The following KIAA0825 variants were observed in gnomAD, a reference collection of about 807,000 sequenced individuals.
KIAA0825 encodes the protein KIAA0825.
Under a neutral mutation model 147.6 loss-of-function variants are expected in KIAA0825, and 119 were observed. That is an observed-to-expected ratio of 0.81 (90% CI 0.69 to 0.94). The LOEUF is 0.94. KIAA0825 is among the 40% of genes least tolerant of loss of function. The pLI, the probability that KIAA0825 is intolerant of heterozygous loss-of-function variation, is 0.00. For synonymous variants in KIAA0825, 470 were observed against 518.1 expected, an observed-to-expected ratio of 0.91 and a Z score of 1.26; for missense variants, 1,381 against 1,472.7, an observed-to-expected ratio of 0.94 and a Z score of 1.02.
intron 8 of KIAA0825, 86 bp downstream of exon 8, chr5:94,473,206 G>T: frequency 9.7e-7 from 1 of 1,026,638 alleles, no homozygotes; most frequent in Non-Finnish European, 1.4e-6. Flanking sequence ...TCCACCATTT[G>T]ATCTACAGGT....
chr5:94,453,325 G>C (rs1314650743), intron 12 of KIAA0825, among the ~76,000 whole-genome samples: 1 of 145,956 alleles, frequency 6.9e-6, no homozygotes, highest in African/African-American at 2.6e-5. Context: ...GGCATATGCT[G>C]CCACGTGTGG....
chr5:94,251,745 AT>A (rs763750727), intron 20 of KIAA0825, among the ~76,000 whole-genome samples: 9 of 151,956 alleles, frequency 5.9e-5, no homozygotes, highest in South Asian at 2.1e-4. Flanking sequence ...AATAAAATGC[AT>A]TTTTTTTGTA....
chr5:94,156,804 T>A (rs1180257887), intron 20 of KIAA0825, among the ~76,000 whole-genome samples: 2 of 152,162 alleles, frequency 1.3e-5, no homozygotes, highest in Non-Finnish European at 2.9e-5. Flanking sequence ...TGAAAAAATA[T>A]TAGAACTACA....
At chr5:94,346,072 C>T (rs755196539) in intron 20 of KIAA0825, among the ~76,000 whole-genome samples, 1 of 152,126 alleles carries the variant, frequency 6.6e-6, no homozygotes, top group African/African-American at 2.4e-5. Flanking sequence ...GGTGTGGCAC[C>T]GGGCTGTCTG....
At chr5:94,191,947 A>T (rs1770711723) in intron 20 of KIAA0825, among the ~76,000 whole-genome samples, 1 of 152,240 alleles carries the variant, frequency 6.6e-6, no homozygotes, top group African/African-American at 2.4e-5. Context: ...CATGTTCATC[A>T]GTGAATTAAA....
At chr5:94,389,361 T>C (rs566837340) in intron 18 of KIAA0825, among the ~76,000 whole-genome samples, 11 of 152,334 alleles carry the variant, frequency 7.2e-5, no homozygotes, top group Admixed American at 2.0e-4. Context: ...TAAAACCCCA[T>C]GTCTTGTGGG....
At chr5:94,511,269 T>C (rs1320377360) in intron 5 of KIAA0825, among the ~76,000 whole-genome samples, 1 of 152,194 alleles carries the variant, frequency 6.6e-6, no homozygotes, top group East Asian at 1.9e-4. Context: ...CCCCTGACTA[T>C]GGTATTTTTG....
chr5:94,577,600 C>A (rs957857079), intron 2 of KIAA0825, among the ~76,000 whole-genome samples: 11 of 152,132 alleles, frequency 7.2e-5, no homozygotes, highest in African/African-American at 9.7e-5. Context: ...ATCTCAATTC[C>A]TTTTACAAAT....
At chr5:94,211,476 G>A (rs986424975) in intron 20 of KIAA0825, among the ~76,000 whole-genome samples, 1 of 152,110 alleles carries the variant, frequency 6.6e-6, no homozygotes, top group Non-Finnish European at 1.5e-5. Context: ...ATGTTATCAC[G>A]CTGATTCCTT....
At chr5:94,178,786 C>T (rs1366922263) in intron 20 of KIAA0825, among the ~76,000 whole-genome samples, 9 of 152,030 alleles carry the variant, frequency 5.9e-5, no homozygotes, top group African/African-American at 2.2e-4. Flanking sequence ...CCTACCATAT[C>T]ACCCAGTTAT....
intron 20 of KIAA0825, among the ~76,000 whole-genome samples, chr5:94,156,228 T>G (rs1332421615): frequency 1.3e-5 from 2 of 152,204 alleles, no homozygotes; most frequent in Admixed American, 1.3e-4. Context: ...GAATCTGGAA[T>G]CTGGGCTTTC....
chr5:94,565,310 A>G (rs57609894), intron 2 of KIAA0825, among the ~76,000 whole-genome samples: 11,303 of 150,040 alleles, frequency 0.075, 470 homozygotes, highest in South Asian at 0.11. Flanking sequence ...AAACATAGGG[A>G]AAAAAAATCC....
chr5:94,415,697 A>G (rs1234745970), intron 15 of KIAA0825: 1 of 152,218 alleles, frequency 6.6e-6, no homozygotes, highest in Non-Finnish European at 1.5e-5. Flanking sequence ...GGCTCTGTGA[A>G]TATGTATAAC....
chr5:94,441,337 G>A (rs1238871673), intron 13 of KIAA0825, among the ~76,000 whole-genome samples: 1 of 152,134 alleles, frequency 6.6e-6, no homozygotes, highest in African/African-American at 2.4e-5. Context: ...TCTGTTGCAT[G>A]CATGGTAAGG....
chr5:94,155,157 G>C (rs965069866), intron 20 of KIAA0825, among the ~76,000 whole-genome samples: 2 of 151,786 alleles, frequency 1.3e-5, no homozygotes, highest in African/African-American at 4.8e-5. Flanking sequence ...ATGAATTTAG[G>C]GTGGAATTTT....
chr5:94,392,507 A>T (rs181287384), intron 17 of KIAA0825, among the ~76,000 whole-genome samples: 5 of 152,364 alleles, frequency 3.3e-5, no homozygotes, highest in Non-Finnish European at 7.3e-5. Context: ...GCAAAAAATT[A>T]TGATATTCAA....
chr5:94,605,926 G>A (rs116918701), intron 1 of KIAA0825, among the ~76,000 whole-genome samples: 1 of 152,170 alleles, frequency 6.6e-6, no homozygotes. Context: ...AATCAGAGAA[G>A]AGAAAGAAAT....
At chr5:94,272,471 A>G (rs1777036426) in intron 20 of KIAA0825, among the ~76,000 whole-genome samples, 1 of 152,094 alleles carries the variant, frequency 6.6e-6, no homozygotes, top group South Asian at 2.1e-4. Flanking sequence ...AAATATATAC[A>G]CCTACTATGT....
chr5:94,184,182 G>C (rs541996154), intron 20 of KIAA0825, among the ~76,000 whole-genome samples: 18 of 152,130 alleles, frequency 1.2e-4, no homozygotes, highest in African/African-American at 4.1e-4. Flanking sequence ...TAAGTGTCGC[G>C]AGTAGAGAAA....
Sources: gnomAD v4.1 joint callset for allele counts (sites outside exome capture counted in the v4.1 genomes callset) on GRCh38, gnomAD v4.1.1 for gene constraint, MANE v1.5 for transcripts, NCBI Gene and HGNC (gene_info 2026-07-23, HGNC 2026-07-21) for gene names.